The following CREBBP variants were observed in gnomAD, a reference collection of about 807,000 sequenced individuals.
The protein encoded by CREBBP is CREB binding lysine acetyltransferase.
In CREBBP, 19 loss-of-function variants were observed where a neutral mutation model predicts 265.0. That is an observed-to-expected ratio of 0.07 (90% CI 0.05 to 0.11). The LOEUF (loss-of-function observed/expected upper bound fraction) is 0.11. Among genes scored for constraint, CREBBP ranks in the 10% least tolerant of loss-of-function variants. The pLI, the probability that CREBBP is intolerant of heterozygous loss-of-function variation, is 1.00. For missense variants in CREBBP, 2,525 were observed against 3,219.0 expected, an observed-to-expected ratio of 0.78 and a Z score of 5.22; for synonymous variants, 1,457 against 1,223.7, an observed-to-expected ratio of 1.19 and a Z score of -3.98.
intron 3 of CREBBP, among the ~76,000 whole-genome samples, chr16:3,803,096 C>T (rs1281025588): frequency 6.6e-6 from 1 of 151,966 alleles, no homozygotes; most frequent in African/African-American, 2.4e-5. Flanking sequence ...AGAAACACAA[C>T]ATAGCTATTT....
At chr16:3,877,923 G>T (rs747014213) in intron 1 of CREBBP, among the ~76,000 whole-genome samples, 1 of 152,184 alleles carries the variant, frequency 6.6e-6, no homozygotes, top group Non-Finnish European at 1.5e-5. Flanking sequence ...GTAAAGGAAG[G>T]GGGAAAAGGT....
chr16:3,766,867 A>G (rs1409127497), intron 16 of CREBBP, among the ~76,000 whole-genome samples: 2 of 152,146 alleles, frequency 1.3e-5, no homozygotes, highest in Non-Finnish European at 2.9e-5. Flanking sequence ...AATGATAGAT[A>G]ATCCACACAA....
chr16:3,801,797 C>T (rs2053719271), intron 3 of CREBBP, among the ~76,000 whole-genome samples: 1 of 152,120 alleles, frequency 6.6e-6, no homozygotes, highest in Admixed American at 6.5e-5. Context: ...AAAATATATG[C>T]AATATGTGTT....
At chr16:3,807,865 C>G (rs2053860720) in intron 3 of CREBBP, among the ~76,000 whole-genome samples, 1 of 152,208 alleles carries the variant, frequency 6.6e-6, no homozygotes, top group African/African-American at 2.4e-5. Flanking sequence ...AAGGCTGTTC[C>G]TGGGTCAGGC....
chr16:3,852,157 GTTTTTT>G (rs910861282), intron 1 of CREBBP, among the ~76,000 whole-genome samples: 7 of 50,914 alleles, frequency 1.4e-4, no homozygotes, highest in African/African-American at 4.0e-4. Context: ...TCTTAAATTT[GTTTTTT>G]TTTTTTTTTT....
In CREBBP at chr16:3,728,939, G is replaced by A. The variant is rs1417238842; in HGVS notation, c.6108C>T (p.Pro2036=). The A allele has an allele frequency of 6.2e-7, 1 of 1,601,456 alleles. No homozygotes were observed. Among genetic ancestry groups the A allele is most frequent in the Non-Finnish European group, 8.5e-7 (1 of 1,178,164 alleles). ...GGGCCTGCATGGATATCACAGGCCT[G>A]GGCAAGCCTGGCATGGGCTGCTGCT... ...LPQQQPMPGL[P]RPVISMQAQA... Residue 2036 remains proline, a synonymous_variant, in exon 31 of 31, where the codon CCC becomes CCT. Transcript: ENST00000262367. This position sits in a 1 kb window ranked among gnomAD's most constrained non-coding sequence, Gnocchi z 8.7.
At chr16:3,812,635 A>G (rs1486794241) in intron 2 of CREBBP, among the ~76,000 whole-genome samples, 22 of 151,940 alleles carry the variant, frequency 1.4e-4, no homozygotes, top group Admixed American at 1.4e-3. Context: ...ATGTGGGCCA[A>G]GTTCCCTGAT....
rs772322081 is a variant in CREBBP at position 3,772,818 on chromosome 16, C to A, written c.2463+933G>T. Among the ~76,000 whole-genome samples the A allele has an allele frequency of 2.4e-4, 36 of 150,464 alleles. 1 individual carries two copies. The highest frequency in any genetic ancestry group is 4.7e-4 in the Non-Finnish European group (32 of 67,760). On this transcript the variant is annotated intron_variant, in intron 13 of 30. Transcript: ENST00000262367. ...GGTACGGTAGCTTACTCCTGTAATCCCAGCACTTTGGGAGGCCGAGGTGGG... is the reference window on the plus strand; with the variant it reads ...GGTACGGTAGCTTACTCCTGTAATCACAGCACTTTGGGAGGCCGAGGTGGG...
In CREBBP at chr16:3,736,147, A is replaced by G. The variant is rs727503891; in HGVS notation, c.4617T>C (p.Tyr1539=). The G allele has an allele frequency of 1.2e-6, 2 of 1,614,148 alleles. No homozygotes were observed. Among genetic ancestry groups the G allele is most frequent in the Non-Finnish European group, 1.7e-6 (2 of 1,180,016 alleles). ...CATTGGGCCAGAAATCACCTTCAAA[A>G]TAGGGCAGTTCCTTGGCACTGGTGA... ...DRLTSAKELP[Y]FEGDFWPNVL... is the part of the protein sequence containing the mutation. Residue 1539 remains tyrosine (Y), a synonymous_variant, in exon 28 of 31, where the codon TAT becomes TAC. Coordinates refer to ENST00000262367, the MANE Select transcript of CREBBP (RefSeq NM_004380.3).
intron 14 of CREBBP, 119 bp downstream of exon 14, chr16:3,770,451 C>T: frequency 8.7e-7 from 1 of 1,144,852 alleles, no homozygotes; most frequent in South Asian, 1.2e-5. Context: ...CCACCTTGGC[C>T]TCCCAAGGTG....
intron 2 of CREBBP, among the ~76,000 whole-genome samples, chr16:3,849,446 T>TGTGTGGG (rs1567360639): frequency 3.0e-5 from 1 of 33,652 alleles, no homozygotes; most frequent in African/African-American, 5.9e-5. Flanking sequence ...TGTGTGTGTG[T>TGTGTGGG]GTGTGTGTGT....
At chr16:3,736,964 G>C (rs1320296172) in intron 26 of CREBBP, 149 bp from the exon 27 acceptor site, 1 of 962,386 alleles carries the variant, frequency 1.0e-6, no homozygotes, top group Non-Finnish European at 1.6e-6. Context: ...GTGTGGTGGG[G>C]GCAAGGCTCG....
At chr16:3,850,195 G>A (rs1449038104) in intron 2 of CREBBP, 102 bp downstream of exon 2, 1 of 1,157,710 alleles carries the variant, frequency 8.6e-7, no homozygotes, top group African/African-American at 1.5e-5. Context: ...GAGAGCCCAA[G>A]AGGAAAAACA....
chr16:3,797,782 A>G (rs916050407), intron 3 of CREBBP, among the ~76,000 whole-genome samples: 1 of 152,192 alleles, frequency 6.6e-6, no homozygotes, highest in Non-Finnish European at 1.5e-5. Context: ...ATTTAAAAAA[A>G]AAAAAATTCA....
intron 3 of CREBBP, among the ~76,000 whole-genome samples, chr16:3,797,582 A>T (rs1013132083): frequency 6.6e-6 from 1 of 152,192 alleles, no homozygotes; most frequent in Admixed American, 6.5e-5. Flanking sequence ...CTGTAATAAA[A>T]GCTACATGAA....
Position 3,739,740 on chromosome 16 carries a change from G to T in CREBBP, c.4134-16C>A. On this transcript the variant is annotated splice_polypyrimidine_tract_variant and intron_variant, in intron 24 of 30. Coordinates refer to ENST00000262367, the MANE Select transcript of CREBBP (RefSeq NM_004380.3). ...ATCCACAAACCTGAAACAAAAGCCA[G>T]AGCCGGACATTTACAAAGGCTGTTG... 2 of 1,614,230 alleles carry T rather than the reference G, an allele frequency of 1.2e-6. No individual in the cohort carries two copies. The highest frequency in any genetic ancestry group is 2.2e-5 in the South Asian group (2 of 91,086).
chr16:3,838,740 G>C (rs1597032202), intron 2 of CREBBP, among the ~76,000 whole-genome samples: 1 of 152,132 alleles, frequency 6.6e-6, no homozygotes, highest in Non-Finnish European at 1.5e-5. Flanking sequence ...GTTGATATAG[G>C]ATTTTGATCT....
intron 2 of CREBBP, among the ~76,000 whole-genome samples, chr16:3,849,489 G>GTGTGTGTGTGTGGT (rs2054779237): frequency 8.7e-6 from 1 of 115,040 alleles, no homozygotes; most frequent in African/African-American, 3.3e-5. Flanking sequence ...GTGTGTGTGT[G>GTGTGTGTGTGTGGT]ATGTGCGTGA....
At chr16:3,735,731 T>C (rs1469615310) in intron 28 of CREBBP, among the ~76,000 whole-genome samples, 1 of 152,118 alleles carries the variant, frequency 6.6e-6, no homozygotes, top group Non-Finnish European at 1.5e-5. Flanking sequence ...ACCCTGTGCC[T>C]CCTCGACTCA....
Sources: allele counts gnomAD v4.1 joint callset (sites outside exome capture counted in the v4.1 genomes callset), GRCh38; gene constraint gnomAD v4.1.1; non-coding constraint Gnocchi (gnomAD v3.1); transcripts MANE v1.5; gene names NCBI Gene and HGNC (gene_info 2026-07-23, HGNC 2026-07-21).